Variants in FAF1 observed in about 807,000 individuals in gnomAD.
FAF1 encodes FAS-associated factor 1.
A neutral mutation model predicts 92.5 loss-of-function variants in FAF1; 25 were observed. The ratio of observed to expected loss-of-function variants is 0.27; its 90% CI spans 0.20 to 0.38. The LOEUF is 0.38. FAF1 is among the 10% of genes least tolerant of loss of function. The pLI, the probability that FAF1 is intolerant of heterozygous loss-of-function variation, is 1.00. For synonymous variants in FAF1, 234 were observed against 273.2 expected (o/e 0.86, Z 1.42); for missense variants, 636 against 793.3 (o/e 0.80, Z 2.38).
In FAF1 at chr1:50,583,705, G is replaced by A. The variant is rs140546895; in HGVS notation, c.978C>T (p.Asn326=). The A allele has an allele frequency of 1.4e-4, 220 of 1,562,896 alleles. No individual in the cohort carries two copies. In the African/African-American group the frequency reaches 1.8e-3, roughly 13 times the overall value. Residue 326 remains asparagine (N), a synonymous_variant, in exon 11 of 19, where the codon AAC becomes AAT. Coordinates refer to ENST00000396153, the MANE Select transcript of FAF1 (RefSeq NM_007051.3). The surrounding 1 kb of genome is among the most constrained non-coding windows in gnomAD (Gnocchi z 4.2). The stretch of plus-strand genomic sequence containing the variant: ...ATAAGGCATCTCCTTCATTTTCTGC[G>A]TTTTCTGGCACTAAAAAACAAACAA... The part of the protein sequence containing the change: ...ALRKSPMMPE[N]AENEGDALLQ...
intron 4 of FAF1, among the ~76,000 whole-genome samples, chr1:50,750,927 T>G (rs916878369): frequency 2.6e-5 from 4 of 151,504 alleles, no homozygotes; most frequent in Non-Finnish European, 4.4e-5. Flanking sequence ...CTGGCCAGAT[T>G]TATCCATGTT....
intron 18 of FAF1, among the ~76,000 whole-genome samples, chr1:50,464,407 C>T (rs1204751281): frequency 6.6e-6 from 1 of 152,126 alleles, no homozygotes; most frequent in Admixed American, 6.5e-5. Flanking sequence ...GCCCAAGGCC[C>T]CCCTAATAGT....
At chr1:50,517,109 G>C (rs964828590) in intron 15 of FAF1, among the ~76,000 whole-genome samples, 1 of 151,986 alleles carries the variant, frequency 6.6e-6, no homozygotes, top group Non-Finnish European at 1.5e-5. Flanking sequence ...GAGAATTTAA[G>C]GCAGTATTTT....
chr1:50,588,237 C>T (rs1651336183), intron 9 of FAF1, among the ~76,000 whole-genome samples: 1 of 152,158 alleles, frequency 6.6e-6, no homozygotes, highest in African/African-American at 2.4e-5. Context: ...CAGTACGTGC[C>T]ACTACATCCA....
chr1:50,811,525 G>A (rs1390205311), intron 2 of FAF1, among the ~76,000 whole-genome samples: 1 of 152,158 alleles, frequency 6.6e-6, no homozygotes, highest in African/African-American at 2.4e-5. Context: ...TCTCTGTAAT[G>A]AGAATTACAA....
In FAF1 at chr1:50,809,175, G is replaced by C. The variant is rs12087317; in HGVS notation, c.115-7498C>G. ...AACACCCACAGCAAAAAGTTAGAAA[G>C]ACCTCAAATTAACAACCTAACATCA... On this transcript the variant is annotated intron_variant, in intron 2 of 18. Transcript: ENST00000396153. Among the ~76,000 whole-genome samples, 1,498 of 152,020 alleles carry C rather than the reference G, an allele frequency of 9.9e-3. 22 individuals carry two copies. The highest frequency in any genetic ancestry group is 0.034 in the African/African-American group (1,420 of 41,476).
At position 50,560,178 on chromosome 1, in the gene FAF1, G is replaced by A. The variant is rs539278265; in HGVS notation, c.1268+6899C>T. 6.6e-5 allele frequency among the ~76,000 whole-genome samples: 10 copies of A among 152,326 alleles called. No individual in the cohort carries two copies. In the South Asian group the frequency reaches 2.1e-3, roughly 32 times the overall value. ...TCAGCCAGGCATGAACCACTGAGTAGTTTGGAATTAAGGGTAAGCCACTGT... is the reference window on the plus strand; with the variant it reads ...TCAGCCAGGCATGAACCACTGAGTAATTTGGAATTAAGGGTAAGCCACTGT... On this transcript the variant is annotated intron_variant, in intron 13 of 18. Coordinates refer to ENST00000396153, the MANE Select transcript of FAF1 (RefSeq NM_007051.3).
At chr1:50,509,101 T>TGATGGCTACCAAGCC (rs369818345) in intron 15 of FAF1, among the ~76,000 whole-genome samples, 2,033 of 152,322 alleles carry the variant, frequency 0.013, 42 homozygotes, top group African/African-American at 0.045. Flanking sequence ...GCTGCTGTCT[T>TGATGGCTACCAAGCC]GATGGCTACC....
At chr1:50,705,069 T>A (rs1341704484) in intron 7 of FAF1, among the ~76,000 whole-genome samples, 1 of 152,216 alleles carries the variant, frequency 6.6e-6, no homozygotes, top group Non-Finnish European at 1.5e-5. Flanking sequence ...TAAGGTGTAA[T>A]GCAACATAGT....
intron 13 of FAF1, among the ~76,000 whole-genome samples, chr1:50,540,057 C>T (rs538437549): frequency 5.3e-5 from 8 of 151,930 alleles, no homozygotes; most frequent in East Asian, 1.9e-4. Context: ...CTGAAACCCC[C>T]GCCTCCCGGG....
intron 9 of FAF1, among the ~76,000 whole-genome samples, chr1:50,590,449 T>A (rs1384186360): frequency 5.3e-5 from 8 of 152,260 alleles, no homozygotes; most frequent in African/African-American, 9.6e-5. Context: ...GCTTGTTGAC[T>A]GTTGGTTTAT....
At chr1:50,905,044 A>AC (rs909524046) in intron 1 of FAF1, among the ~76,000 whole-genome samples, 1 of 151,796 alleles carries the variant, frequency 6.6e-6, no homozygotes, top group African/African-American at 2.4e-5. Context: ...CCAGCCCCCC[A>AC]CCCCACAACA....
At chr1:50,614,730 T>C (rs1298354478) in intron 8 of FAF1, among the ~76,000 whole-genome samples, 10 of 150,160 alleles carry the variant, frequency 6.7e-5, no homozygotes, top group African/African-American at 2.0e-4. Context: ...TCCCAGCTAC[T>C]AGGGAGGCTG....
chr1:50,839,445 C>T (rs1021453029), intron 2 of FAF1, among the ~76,000 whole-genome samples: 4 of 152,104 alleles, frequency 2.6e-5, no homozygotes, highest in African/African-American at 9.7e-5. Flanking sequence ...GTGCTTTATT[C>T]AACCAGAATT....
chr1:50,660,990 C>G (rs1228568395), intron 7 of FAF1, among the ~76,000 whole-genome samples: 1 of 151,820 alleles, frequency 6.6e-6, no homozygotes, highest in Non-Finnish European at 1.5e-5. Flanking sequence ...TAAACATATA[C>G]AAGACAAGGA....
chr1:50,806,115 T>A (rs976763454), intron 2 of FAF1, among the ~76,000 whole-genome samples: 5 of 152,128 alleles, frequency 3.3e-5, no homozygotes, highest in African/African-American at 1.2e-4. Flanking sequence ...TTATAATACA[T>A]GTATCTGAGA....
chr1:50,861,565 G>C lies in FAF1; in HGVS notation c.46-3568C>G, dbSNP rs370078605. Among the ~76,000 whole-genome samples, 28 of 151,858 alleles carry C rather than the reference G, an allele frequency of 1.8e-4. No individual in the cohort carries two copies. In the South Asian group the frequency reaches 4.6e-3, roughly 25 times the overall value. ...GACTCCAAAATGTGGCAGGGTAGGA[G>C]GTAGTAAGGGACAAAAATGCTACTT... On this transcript the variant is annotated intron_variant, in intron 1 of 18. Coordinates refer to ENST00000396153, the MANE Select transcript of FAF1 (RefSeq NM_007051.3).
intron 7 of FAF1, among the ~76,000 whole-genome samples, chr1:50,664,797 TAAACAAAC>T (rs60944603): frequency 3.0e-4 from 45 of 151,180 alleles, no homozygotes; most frequent in African/African-American, 6.1e-4. Context: ...CCGTCTCAAA[TAAACAAAC>T]AAACAAACAA....
chr1:50,894,779 T>C (rs1644745792), intron 1 of FAF1, among the ~76,000 whole-genome samples: 1 of 152,120 alleles, frequency 6.6e-6, no homozygotes, highest in African/African-American at 2.4e-5. Context: ...AGTGGGTCAA[T>C]GAACAAATTA....
Sources: allele counts gnomAD v4.1 joint callset (sites outside exome capture counted in the v4.1 genomes callset), GRCh38; gene constraint gnomAD v4.1.1; non-coding constraint Gnocchi (gnomAD v3.1); transcripts MANE v1.5; gene names NCBI Gene and HGNC (gene_info 2026-07-23, HGNC 2026-07-21).